ANKRD36C: variants seen among roughly 807,000 people sequenced by gnomAD.
The protein encoded by ANKRD36C is ankyrin repeat domain 36C.
ANKRD36C carries 61 observed loss-of-function variants against 276.4 expected under a neutral mutation model. The ratio of observed to expected loss-of-function variants is 0.22; its 90% CI spans 0.18 to 0.27. The LOEUF is 0.27. Ranked by LOEUF, ANKRD36C falls within the 10% of genes least tolerant of loss-of-function variation. The pLI, the probability that ANKRD36C is intolerant of heterozygous loss-of-function variation, is 1.00. For synonymous variants in ANKRD36C, 483 were observed against 680.1 expected, an observed-to-expected ratio of 0.71 and a Z score of 4.51; for missense variants, 1,447 against 2,032.3, an observed-to-expected ratio of 0.71 and a Z score of 5.54.
At chr2:95,860,330 A>G (rs75067942) in intron 60 of ANKRD36C, among the ~76,000 whole-genome samples, 1 of 152,160 alleles carries the variant, frequency 6.6e-6, no homozygotes, top group Non-Finnish European at 1.5e-5. Context: ...GTAAAAAAAA[A>G]AAAAAACATA....
At chr2:95,875,152 C>G (rs1032803074) in intron 59 of ANKRD36C, among the ~76,000 whole-genome samples, 1 of 152,120 alleles carries the variant, frequency 6.6e-6, no homozygotes, top group African/African-American at 2.4e-5. Flanking sequence ...ACTAGAAATA[C>G]CATTTGACCC....
chr2:95,942,487 A>G (rs1454811358), intron 19 of ANKRD36C, among the ~76,000 whole-genome samples: 1 of 152,310 alleles, frequency 6.6e-6, no homozygotes, highest in East Asian at 1.9e-4. Flanking sequence ...TTTAACTTGT[A>G]CGAATGTTTA....
At chr2:95,908,308 T>G (rs1472828399) in intron 42 of ANKRD36C, among the ~76,000 whole-genome samples, 194 bp downstream of exon 48, 1 of 150,884 alleles carries the variant, frequency 6.6e-6, no homozygotes, top group Admixed American at 6.6e-5. Context: ...TGGGGAAGTG[T>G]ATAATCTTAC....
At chr2:95,903,179 T>A (rs1171767571) in intron 42 of ANKRD36C, 98 bp from the exon 53 acceptor site, 25 of 1,509,558 alleles carry the variant, frequency 1.7e-5, no homozygotes, top group Admixed American at 2.0e-5. Flanking sequence ...TCCTCCTGCC[T>A]GTATTAGCGT....
At chr2:95,872,331 G>A (rs925812266) in intron 59 of ANKRD36C, among the ~76,000 whole-genome samples, 2 of 151,346 alleles carry the variant, frequency 1.3e-5, no homozygotes, top group African/African-American at 4.9e-5. Context: ...AGACCACAGT[G>A]CAATCAAACT....
chr2:95,982,027 T>C (rs1678932727), intron 4 of ANKRD36C, among the ~76,000 whole-genome samples: 2 of 152,222 alleles, frequency 1.3e-5, no homozygotes, highest in Admixed American at 1.3e-4. Flanking sequence ...TTTATGTGTA[T>C]AATGTCTATA....
chr2:95,969,408 G>T (rs1277341067), intron 6 of ANKRD36C, among the ~76,000 whole-genome samples: 1 of 152,080 alleles, frequency 6.6e-6, no homozygotes, highest in Non-Finnish European at 1.5e-5. Context: ...GTCAACCATG[G>T]TCCATAAATA....
At chr2:95,956,102 G>C (rs72935851) in intron 13 of ANKRD36C, among the ~76,000 whole-genome samples, 80 of 141,258 alleles carry the variant, frequency 5.7e-4, no homozygotes, top group East Asian at 2.0e-3. Flanking sequence ...ACTGGGTAGG[G>C]AGTAAGTAGA....
intron 32 of ANKRD36C, among the ~76,000 whole-genome samples, chr2:95,922,517 T>C (rs186496557): frequency 6.6e-6 from 1 of 151,606 alleles, no homozygotes; most frequent in African/African-American, 2.4e-5. Context: ...TCATCAATTA[T>C]CAATTTTGAC....
At chr2:95,887,004 T>C (rs1464088340) in intron 50 of ANKRD36C, among the ~76,000 whole-genome samples, 12 of 151,506 alleles carry the variant, frequency 7.9e-5, no homozygotes, top group Non-Finnish European at 1.8e-4. Flanking sequence ...ATTAATAAGC[T>C]TTTACACTTG....
intron 12 of ANKRD36C, among the ~76,000 whole-genome samples, chr2:95,957,083 A>C (rs1678345040): frequency 6.6e-6 from 1 of 152,076 alleles, no homozygotes; most frequent in Non-Finnish European, 1.5e-5. Flanking sequence ...TGTGAGGCTG[A>C]GGTGAGTGGA....
At chr2:95,948,697 T>C in intron 16 of ANKRD36C, 101 bp from the exon 17 acceptor site, 2 of 1,058,664 alleles carry the variant, frequency 1.9e-6, no homozygotes, top group African/African-American at 3.3e-5. Flanking sequence ...AAACAAATGG[T>C]AAAACAAAGT....
At chr2:95,891,447 T>C (rs1443729221) in intron 46 of ANKRD36C, among the ~76,000 whole-genome samples, 1 of 151,424 alleles carries the variant, frequency 6.6e-6, no homozygotes, top group Non-Finnish European at 1.5e-5. Context: ...TATTTCTTCT[T>C]CCCACTTTCA....
At chr2:95,946,127 TACAA>T (rs1192394669) in intron 17 of ANKRD36C, among the ~76,000 whole-genome samples, 2 of 104,380 alleles carry the variant, frequency 1.9e-5, no homozygotes, top group South Asian at 3.2e-4. Flanking sequence ...ACATTCTTAC[TACAA>T]ACAGAGAGAG....
intron 3 of ANKRD36C, 126 bp downstream of exon 3, chr2:95,986,625 C>G: frequency 8.5e-7 from 1 of 1,176,956 alleles, no homozygotes; most frequent in Non-Finnish European, 1.2e-6. Flanking sequence ...ACAGTTAAGG[C>G]ATTTCAAAAT....
chr2:95,858,757 G>C lies in ANKRD36C; in HGVS notation c.3896+1104C>G, dbSNP rs545219279. ...TTACTGTAATCCAAGACTAGGTTAA[G>C]AATGTAATATGTTACCCTACACTTT... On this transcript the variant is annotated intron_variant, in intron 61 of 66. Transcript: ENST00000456556. Among the ~76,000 whole-genome samples, 4 of 152,244 alleles carry C rather than the reference G, an allele frequency of 2.6e-5. 1 individual carries two copies. The highest frequency in any genetic ancestry group is 2.6e-4 in the Admixed American group (4 of 15,292).
chr2:95,870,667 A>G (rs1442100038), intron 59 of ANKRD36C, among the ~76,000 whole-genome samples: 1 of 152,234 alleles, frequency 6.6e-6, no homozygotes, highest in Non-Finnish European at 1.5e-5. Flanking sequence ...TGGACGGAGA[A>G]TGACTTTGAC....
At chr2:95,991,619 C>T (rs1188605699) in exon 1 of ANKRD36C, 3 of 1,614,040 alleles carry the variant, frequency 1.9e-6, no homozygotes, top group Non-Finnish European at 1.7e-6. Flanking sequence ...TCAGATGATA[C>T]GGTTTAATGG....
At chr2:95,956,614 A>G (rs1678333046) in intron 13 of ANKRD36C, among the ~76,000 whole-genome samples, 172 bp downstream of exon 13, 1 of 152,254 alleles carries the variant, frequency 6.6e-6, no homozygotes, top group African/African-American at 2.4e-5. Context: ...TTAGTAAAAA[A>G]GCAATAATAG....
Sources: gnomAD v4.1 joint callset for allele counts (sites outside exome capture counted in the v4.1 genomes callset) on GRCh38, gnomAD v4.1.1 for gene constraint, MANE v1.5 for transcripts, NCBI Gene and HGNC (gene_info 2026-07-23, HGNC 2026-07-21) for gene names.